PARD3B: variants seen among roughly 807,000 people sequenced by gnomAD.
PARD3B encodes partitioning defective 3 homolog B.
In PARD3B, 103 loss-of-function variants were observed where a neutral mutation model predicts 130.2. The ratio of observed to expected loss-of-function variants is 0.79; its 90% CI spans 0.67 to 0.93. PARD3B has a LOEUF of 0.93. Ranked by LOEUF, PARD3B falls within the 40% of genes least tolerant of loss-of-function variation. The pLI is 0.00. For synonymous variants in PARD3B, 583 were observed against 553.2 expected, an observed-to-expected ratio of 1.05 and a Z score of -0.76; for missense variants, 1,609 against 1,499.2, an observed-to-expected ratio of 1.07 and a Z score of -1.21.
chr2:205,593,019 G>T (rs1006262767), intron 22 of PARD3B, among the ~76,000 whole-genome samples: 2 of 152,166 alleles, frequency 1.3e-5, no homozygotes, highest in Non-Finnish European at 2.9e-5. Context: ...TTTATATTTG[G>T]GTTTTTAATT....
intron 18 of PARD3B, among the ~76,000 whole-genome samples, chr2:205,392,654 A>G (rs1355727738): frequency 6.6e-6 from 1 of 152,204 alleles, no homozygotes; most frequent in Non-Finnish European, 1.5e-5. Context: ...TTAAAGCATC[A>G]ACTCACTCAG....
At chr2:205,154,443 T>C (rs1001107877) in intron 10 of PARD3B, among the ~76,000 whole-genome samples, 9 of 152,216 alleles carry the variant, frequency 5.9e-5, no homozygotes, top group Non-Finnish European at 1.2e-4. Context: ...TTTTACACTG[T>C]TGTGGGACTG....
intron 19 of PARD3B, among the ~76,000 whole-genome samples, chr2:205,413,745 A>T (rs748569457): frequency 2.6e-5 from 4 of 152,132 alleles, no homozygotes; most frequent in Non-Finnish European, 5.9e-5. Flanking sequence ...ATCCTGAGAG[A>T]CACAGCCTTA....
rs557495337 is a variant in PARD3B, at chr2:204,958,796, C to T, written c.223-6356C>T. 3.9e-3 allele frequency among the ~76,000 whole-genome samples: 598 copies of T among 152,252 alleles called. 2 individuals are homozygous for T. Among genetic ancestry groups the T allele is most frequent in the South Asian group, 0.019 (92 of 4,826 alleles). On this transcript the variant is annotated intron_variant, in intron 2 of 22. Coordinates refer to ENST00000406610, the MANE Select transcript of PARD3B (RefSeq NM_001302769.2). ...AAAAACACTCACATGTTCACACACA[C>T]TTTTACTAGTGATATTGATCATAAT...
intron 8 of PARD3B, 150 bp from the exon 9 acceptor site, chr2:205,124,177 C>A: frequency 1.5e-6 from 1 of 688,330 alleles, no homozygotes; most frequent in Non-Finnish European, 2.1e-6. Flanking sequence ...ATTTGAAACA[C>A]AAATAACTGA....
chr2:205,310,719 C>CTTTTTTTTTTTTTTTTTTTTTTT (rs34032930), intron 18 of PARD3B, among the ~76,000 whole-genome samples: 1 of 82,590 alleles, frequency 1.2e-5, no homozygotes, highest in African/African-American at 5.4e-5. Flanking sequence ...TTCTTTCTTT[C>CTTTTTTTTTTTTTTTTTTTTTTT]TTTTTTTTTT....
intron 2 of PARD3B, among the ~76,000 whole-genome samples, chr2:204,936,846 C>T (rs928537485): frequency 2.6e-5 from 4 of 152,112 alleles, no homozygotes; most frequent in African/African-American, 7.2e-5. Flanking sequence ...GGCATGAAAC[C>T]GATGCAGCAA....
At chr2:205,154,241 T>A (rs1022166667) in intron 10 of PARD3B, among the ~76,000 whole-genome samples, 2 of 152,136 alleles carry the variant, frequency 1.3e-5, no homozygotes, top group African/African-American at 4.8e-5. Context: ...GTGAAGGATA[T>A]GAAAAAACAC....
At chr2:205,147,354 C>G (rs2033439162) in intron 10 of PARD3B, among the ~76,000 whole-genome samples, 1 of 152,140 alleles carries the variant, frequency 6.6e-6, no homozygotes. Flanking sequence ...CTGTAGGAAT[C>G]TTAAATCTGA....
intron 3 of PARD3B, among the ~76,000 whole-genome samples, chr2:204,996,647 A>G (rs1351298304): frequency 3.3e-5 from 5 of 150,152 alleles, no homozygotes; most frequent in Admixed American, 1.3e-4. Flanking sequence ...TACCTAAGCA[A>G]GCCTGGGCAA....
intron 2 of PARD3B, among the ~76,000 whole-genome samples, chr2:204,778,140 C>G (rs112023074): frequency 7.1e-6 from 1 of 141,088 alleles, no homozygotes; most frequent in African/African-American, 2.9e-5. Context: ...CTAACACACC[C>G]TCTATCAAAA....
intron 2 of PARD3B, among the ~76,000 whole-genome samples, chr2:204,762,916 A>G (rs1276431232): frequency 6.6e-6 from 1 of 151,924 alleles, no homozygotes; most frequent in East Asian, 1.9e-4. Context: ...ATATGCCACC[A>G]TGCCCGGCTA....
At chr2:205,583,572 C>T (rs992975221) in intron 22 of PARD3B, among the ~76,000 whole-genome samples, 2 of 152,120 alleles carry the variant, frequency 1.3e-5, no homozygotes, top group African/African-American at 4.8e-5. Flanking sequence ...TATGTGTATT[C>T]ACTCATTTAA....
chr2:204,971,264 G>A (rs1372005696), intron 3 of PARD3B, among the ~76,000 whole-genome samples: 1 of 152,186 alleles, frequency 6.6e-6, no homozygotes, highest in African/African-American at 2.4e-5. Context: ...AGTAGCTGCT[G>A]TGCCCATAAT....
intron 18 of PARD3B, among the ~76,000 whole-genome samples, chr2:205,389,439 T>C (rs568268496): frequency 1.3e-5 from 2 of 152,310 alleles, no homozygotes; most frequent in African/African-American, 2.4e-5. Context: ...GTCGGTTCAC[T>C]GCAACCTCCG....
At chr2:205,509,235 A>T (rs778466309) in intron 21 of PARD3B, among the ~76,000 whole-genome samples, 20 of 152,128 alleles carry the variant, frequency 1.3e-4, no homozygotes, top group Non-Finnish European at 2.9e-4. Context: ...GAAAAAATAT[A>T]TATATATTGT....
At chr2:205,000,775 G>A (rs140285926) in intron 3 of PARD3B, among the ~76,000 whole-genome samples, 80 of 152,120 alleles carry the variant, frequency 5.3e-4, no homozygotes, top group East Asian at 3.5e-3. Context: ...TGAGTACATC[G>A]TCCCTACTTC....
Position 205,014,354 on chromosome 2 carries a change from T to C in PARD3B, c.395-33227T>C, listed in dbSNP as rs114374376. Among the ~76,000 whole-genome samples the C allele has an allele frequency of 4.2e-3, 644 of 152,334 alleles. 3 individuals carry two copies. Among genetic ancestry groups the C allele is most frequent in the African/African-American group, 0.015 (620 of 41,590 alleles). On this transcript the variant is annotated intron_variant, in intron 3 of 22. Transcript: ENST00000406610. ...GATCCTGAGGTCTGACTGTCACATG[T>C]ACAGTTATTGGCATCCACAGGGTAG...
rs140123271 is a variant in PARD3B at position 204,957,017 on chromosome 2, C to A, written c.223-8135C>A. 1.7e-3 allele frequency among the ~76,000 whole-genome samples: 254 copies of A among 152,210 alleles called. 2 individuals carry two copies. The highest frequency in any genetic ancestry group is 5.7e-3 in the African/African-American group (235 of 41,536). On this transcript the variant is annotated intron_variant, in intron 2 of 22. Transcript: ENST00000406610. ...GGTGAAGGGCACAGAGACAAGGGCTCCTCAGGCCTCCCCTTTGTGTATTAG... is the reference window on the plus strand; with the variant it reads ...GGTGAAGGGCACAGAGACAAGGGCTACTCAGGCCTCCCCTTTGTGTATTAG...
Sources: allele counts gnomAD v4.1 joint callset (sites outside exome capture counted in the v4.1 genomes callset), GRCh38; gene constraint gnomAD v4.1.1; transcripts MANE v1.5; gene names NCBI Gene and HGNC (gene_info 2026-07-23, HGNC 2026-07-21).